Variants in RBFOX1 observed in about 807,000 individuals in gnomAD.
RBFOX1 encodes RNA binding fox-1 homolog 1.
In RBFOX1, 8 loss-of-function variants were observed where a neutral mutation model predicts 57.7. The observed-to-expected ratio is 0.14, with a 90% CI of 0.08 to 0.25. RBFOX1 has a LOEUF of 0.25. Ranked by LOEUF, RBFOX1 falls within the 10% of genes least tolerant of loss-of-function variation. The pLI is 1.00. For synonymous variants in RBFOX1, 326 were observed against 222.4 expected (o/e 1.47, Z -4.15); for missense variants, 611 against 548.5 (o/e 1.11, Z -1.14).
chr16:7,474,123 C>T (rs901250732), intron 4 of RBFOX1, among the ~76,000 whole-genome samples: 2 of 152,064 alleles, frequency 1.3e-5, no homozygotes, highest in Non-Finnish European at 2.9e-5. Context: ...TCTGTCTCTA[C>T]TAAAAATACA....
intron 2 of RBFOX1, among the ~76,000 whole-genome samples, chr16:6,476,179 G>A (rs2095268981): frequency 6.6e-6 from 1 of 152,030 alleles, no homozygotes; most frequent in Admixed American, 6.6e-5. Context: ...GAGAAATACA[G>A]GAAATGACAA....
At chr16:6,238,810 A>G (rs910075331) in intron 1 of RBFOX1, among the ~76,000 whole-genome samples, 1 of 152,072 alleles carries the variant, frequency 6.6e-6, no homozygotes, top group Non-Finnish European at 1.5e-5. Flanking sequence ...GGTACATGAG[A>G]TGTTTTGATA....
At chr16:6,675,708 G>T (rs562413747) in intron 3 of RBFOX1, among the ~76,000 whole-genome samples, 1 of 152,186 alleles carries the variant, frequency 6.6e-6, no homozygotes, top group Non-Finnish European at 1.5e-5. Flanking sequence ...AAGAGAGAAT[G>T]AGAAAACAAG....
At chr16:7,667,191 C>T (rs2069637547) in intron 13 of RBFOX1, among the ~76,000 whole-genome samples, 1 of 152,172 alleles carries the variant, frequency 6.6e-6, no homozygotes, top group Non-Finnish European at 1.5e-5. Context: ...GGTAGACCTT[C>T]CTGAATATTT....
chr16:7,063,397 TCA>T (rs1296869867), intron 4 of RBFOX1, among the ~76,000 whole-genome samples: 1 of 152,078 alleles, frequency 6.6e-6, no homozygotes, highest in African/African-American at 2.4e-5. Context: ...TACGGGATCA[TCA>T]CATGTCTCTC....
At chr16:5,431,157 G>A (rs2151512590) in intron 1 of RBFOX1, among the ~76,000 whole-genome samples, 1 of 152,310 alleles carries the variant, frequency 6.6e-6, no homozygotes, top group South Asian at 2.1e-4. Context: ...TACTGAGGCT[G>A]TTGTGTTGGT....
At chr16:6,522,435 T>G (rs949649888) in intron 2 of RBFOX1, among the ~76,000 whole-genome samples, 6 of 152,030 alleles carry the variant, frequency 3.9e-5, no homozygotes, top group African/African-American at 1.4e-4. Flanking sequence ...TTGGGAAGAT[T>G]TTTTTTTGAA....
chr16:6,880,022 C>T (rs2062609464), intron 3 of RBFOX1, among the ~76,000 whole-genome samples: 1 of 152,120 alleles, frequency 6.6e-6, no homozygotes, highest in Non-Finnish European at 1.5e-5. Context: ...ACTTGAAGCG[C>T]CTCTGTTTCC....
chr16:6,236,791 T>C (rs2097508270), intron 1 of RBFOX1, among the ~76,000 whole-genome samples: 1 of 152,126 alleles, frequency 6.6e-6, no homozygotes, highest in African/African-American at 2.4e-5. Flanking sequence ...TTGTGTGTTA[T>C]GTCCACACGT....
At chr16:5,905,300 G>T (rs773821442) in intron 4 of RBFOX1, among the ~76,000 whole-genome samples, 1 of 151,754 alleles carries the variant, frequency 6.6e-6, no homozygotes, top group Admixed American at 6.6e-5. Context: ...TAATCCACCC[G>T]CCTCGGCCTC....
chr16:7,616,956 G>A (rs888510139), intron 10 of RBFOX1, among the ~76,000 whole-genome samples: 4 of 151,584 alleles, frequency 2.6e-5, no homozygotes, highest in Non-Finnish European at 5.9e-5. Flanking sequence ...GATAGCCCAG[G>A]CCTGCTAGAA....
chr16:5,675,103 G>C (rs1040741981), intron 3 of RBFOX1, among the ~76,000 whole-genome samples: 2 of 152,116 alleles, frequency 1.3e-5, no homozygotes, highest in Admixed American at 1.3e-4. Context: ...AGCTGTGATT[G>C]CACCAGTACT....
At position 6,270,788 on chromosome 16, in the gene RBFOX1, G is replaced by A. The variant is rs189454533; in HGVS notation, c.-126-46207G>A. Among the ~76,000 whole-genome samples the A allele has an allele frequency of 5.3e-5, 8 of 152,200 alleles. No individual in the cohort carries two copies. In the East Asian group the frequency reaches 1.4e-3, roughly 26 times the overall value. ...GAAGGCGTTTCTTTTTCATGTCCAT[G>A]GGAGATATCCTGGGCCATAAAACAA... On this transcript the variant is annotated intron_variant, in intron 1 of 15. Transcript: ENST00000550418.
intron 2 of RBFOX1, among the ~76,000 whole-genome samples, chr16:6,651,714 A>T (rs1051006363): frequency 5.3e-5 from 8 of 152,222 alleles, no homozygotes; most frequent in African/African-American, 1.9e-4. Context: ...GGGCATACGC[A>T]CAAAAGACTT....
chr16:6,654,573 T>C (rs2098632409), intron 2 of RBFOX1, 30 bp from the exon 3 acceptor site: 3 of 1,490,500 alleles, frequency 2.0e-6, no homozygotes, highest in South Asian at 1.3e-5. Flanking sequence ...GTTCTTTCTC[T>C]CACTTTCCTT....
At chr16:6,529,784 G>T (rs1345043630) in intron 2 of RBFOX1, among the ~76,000 whole-genome samples, 1 of 152,064 alleles carries the variant, frequency 6.6e-6, no homozygotes. Flanking sequence ...TAACACTTGA[G>T]AATCTGAACT....
At chr16:5,540,670 T>C (rs1031392495) in intron 2 of RBFOX1, among the ~76,000 whole-genome samples, 7 of 152,138 alleles carry the variant, frequency 4.6e-5, no homozygotes, top group Non-Finnish European at 8.8e-5. Context: ...TCAGATTTAT[T>C]GAATACGAAT....
rs61036994 is a variant in RBFOX1, at chr16:7,437,250, G to GCCC, written c.28-80888_28-80886dup. On this transcript the variant is annotated intron_variant, in intron 4 of 15. Coordinates refer to ENST00000550418, the MANE Select transcript of RBFOX1 (RefSeq NM_018723.4). ...ACTGTGCTAGAATTAAATTATCTTT[G>GCCC]CCCCCCCCCCCTTTCTGTTATATTA... is the stretch of plus-strand genomic sequence containing the variant. Among the ~76,000 whole-genome samples, 407 of 127,208 alleles carry GCCC rather than the reference G, an allele frequency of 3.2e-3. 2 individuals carry two copies. The highest frequency in any genetic ancestry group is 0.01 in the African/African-American group (383 of 37,770). 83.5% of individuals were successfully genotyped at this position (127,208 alleles called of 152,430 possible). A position where few individuals can be genotyped will look rare whatever the true frequency, so the allele number is the denominator to read the frequency against.
intron 3 of RBFOX1, among the ~76,000 whole-genome samples, chr16:6,787,923 C>A (rs1258223953): frequency 6.6e-6 from 1 of 152,098 alleles, no homozygotes; most frequent in African/African-American, 2.4e-5. Flanking sequence ...TACTAAACAG[C>A]TGGTGAAAGG....
Sources: gnomAD v4.1 joint callset for allele counts (sites outside exome capture counted in the v4.1 genomes callset) on GRCh38, gnomAD v4.1.1 for gene constraint, MANE v1.5 for transcripts, NCBI Gene and HGNC (gene_info 2026-07-23, HGNC 2026-07-21) for gene names.